The following AP3D1 variants were observed in gnomAD, a reference collection of about 807,000 sequenced individuals.
AP3D1 encodes the protein adaptor related protein complex 3 subunit delta 1.
A neutral mutation model predicts 147.6 loss-of-function variants in AP3D1; 51 were observed. The observed-to-expected ratio is 0.35, with a 90% confidence interval of 0.28 to 0.44. The LOEUF (loss-of-function observed/expected upper bound fraction) is 0.44. Among genes scored for constraint, AP3D1 ranks in the 20% least tolerant of loss-of-function variants. AP3D1 has a pLI of 1.00. For missense variants in AP3D1, 1,421 were observed against 1,624.2 expected, an observed-to-expected ratio of 0.87 and a Z score of 2.15; for synonymous variants, 760 against 663.0, an observed-to-expected ratio of 1.15 and a Z score of -2.25.
At chr19:2,115,188 T>A in intron 20 of AP3D1, 31 bp downstream of exon 20, 1 of 1,597,242 alleles carries the variant, frequency 6.3e-7, no homozygotes, top group Non-Finnish European at 8.5e-7. Flanking sequence ...AAGATAGACA[T>A]CCTAGGACCG....
intron 1 of AP3D1, among the ~76,000 whole-genome samples, chr19:2,161,444 G>A (rs8102624): frequency 0.18 from 26,687 of 151,802 alleles, 3,574 homozygotes; most frequent in African/African-American, 0.37. Flanking sequence ...TTACAGGCGT[G>A]AGTCACCGCT....
intron 1 of AP3D1, chr19:2,164,340 C>A (rs1306182254): frequency 2.8e-6 from 3 of 1,084,244 alleles, no homozygotes; most frequent in South Asian, 4.6e-5. Context: ...CCCAAACCCC[C>A]CCAAGCCGCG....
At chr19:2,145,000 C>G in intron 1 of AP3D1, among the ~76,000 whole-genome samples, 1 of 152,142 alleles carries the variant, frequency 6.6e-6, no homozygotes, top group Non-Finnish European at 1.5e-5. Context: ...TTTCTCTGTT[C>G]TGAACGTATT....
At chr19:2,119,375 G>A (rs1382690148) in intron 14 of AP3D1, among the ~76,000 whole-genome samples, 2 of 152,106 alleles carry the variant, frequency 1.3e-5, no homozygotes, top group African/African-American at 4.8e-5. Context: ...TGGCCAACAC[G>A]GTGAAACCCC....
In AP3D1 at chr19:2,112,914, G is replaced by T; in HGVS notation, c.2733C>A (p.Ala911=). 1 of 1,613,316 alleles carries T rather than the reference G, an allele frequency of 6.2e-7. No individual in the cohort carries two copies. Among genetic ancestry groups the T allele is most frequent in the East Asian group, 2.2e-5 (1 of 44,840 alleles). ...VTTPKDECED[A]KTEAQGEEDD... is the part of the protein sequence containing the mutation. ...CCTCCTCGCCCTGCGCCTCCGTCTT[G>T]GCGTCCTCACACTCGTCCTTCGGGG... The change falls in exon 24 of 32, where the codon GCC becomes GCA. Residue 911 remains alanine, a synonymous_variant. Coordinates refer to ENST00000643116, the MANE Select transcript of AP3D1 (RefSeq NM_001261826.3).
intron 4 of AP3D1, among the ~76,000 whole-genome samples, chr19:2,132,837 A>G (rs1488271063): frequency 1.3e-5 from 2 of 152,148 alleles, no homozygotes; most frequent in African/African-American, 4.8e-5. Context: ...GGGAACAGTG[A>G]GGTCTGAGGC....
upstream of AP3D1, among the ~76,000 whole-genome samples, chr19:2,154,275 G>GTT (rs112780618): frequency 2.1e-5 from 3 of 145,190 alleles, no homozygotes; most frequent in South Asian, 4.3e-4. Context: ...TTTATTTATG[G>GTT]TTTTTTTTTT....
Position 2,110,900 on chromosome 19 carries a change from C to T in AP3D1, c.2986-4G>A, listed in dbSNP as rs367890742. 1.5e-5 allele frequency: 24 copies of T among 1,612,098 alleles called. No homozygotes were observed. The African/African-American group carries it at 3.1e-4, about 21-fold the overall frequency. On this transcript the variant is annotated splice_region_variant and splice_polypyrimidine_tract_variant and intron_variant, in intron 26 of 31. Transcript: ENST00000643116. ...GACTGCCCCGGATGTCACAGGTCTGCAGGGCATGGCCAGTGTTAGCAGGGC... is the reference window on the plus strand; with the variant it reads ...GACTGCCCCGGATGTCACAGGTCTGTAGGGCATGGCCAGTGTTAGCAGGGC...
chr19:2,113,070 G>A (rs1196798279), intron 23 of AP3D1, 103 bp from the exon 24 acceptor site: 7 of 827,646 alleles, frequency 8.5e-6, no homozygotes, highest in East Asian at 2.8e-5. Context: ...TTGCCCTCAC[G>A]CCTGCCTGAG....
Position 2,109,213 on chromosome 19 carries a change from G to T in AP3D1, c.3351-6C>A, listed in dbSNP as rs1231529207. On this transcript the variant is annotated splice_region_variant and splice_polypyrimidine_tract_variant and intron_variant, in intron 29 of 31. Coordinates refer to ENST00000643116, the MANE Select transcript of AP3D1 (RefSeq NM_001261826.3). ...GCAACTTAGCAAAGGCGTCACTGTG[G>T]GAGGGACAGGGAGGCTGACTGCGGT... 1.3e-6 allele frequency: 2 copies of T among 1,572,748 alleles called. No homozygotes were observed. The highest frequency in any genetic ancestry group is 2.7e-5 in the African/African-American group (2 of 72,872).
At chr19:2,136,712 C>T (rs1416523222) in intron 4 of AP3D1, among the ~76,000 whole-genome samples, 3 of 152,186 alleles carry the variant, frequency 2.0e-5, no homozygotes, top group African/African-American at 4.8e-5. Context: ...ACCGCAGAGG[C>T]CAGCTGCGAG....
At chr19:2,164,249 G>A in intron 1 of AP3D1, 1 of 1,282,764 alleles carries the variant, frequency 7.8e-7, no homozygotes. Flanking sequence ...GTCTACCCGT[G>A]GCCGCTGCCG....
In AP3D1 at chr19:2,117,379, A is replaced by G. The variant is rs375246775; in HGVS notation, c.1714-12T>C. On this transcript the variant is annotated splice_polypyrimidine_tract_variant and intron_variant, in intron 15 of 31. Transcript: ENST00000643116. ...AGGATGCAGGACGCCTGTGGGGGAC[A>G]CAGGGGTCACTGCTGGCACCTGCCC... is the stretch of plus-strand genomic sequence containing the variant. 100 of 1,581,638 alleles carry G rather than the reference A, an allele frequency of 6.3e-5. No homozygotes were observed. The highest frequency in any genetic ancestry group is 8.3e-5 in the Non-Finnish European group (97 of 1,165,242).
At chr19:2,105,519 G>A (rs765207558) in intron 31 of AP3D1, among the ~76,000 whole-genome samples, 11 of 152,182 alleles carry the variant, frequency 7.2e-5, no homozygotes, top group Non-Finnish European at 1.3e-4. Flanking sequence ...TTCGTTTCCC[G>A]TAGGGGATAC....
intron 1 of AP3D1, among the ~76,000 whole-genome samples, chr19:2,157,299 G>A (rs988777831): frequency 8.6e-5 from 13 of 151,162 alleles, no homozygotes; most frequent in East Asian, 3.9e-4. Flanking sequence ...AAAATTAGCC[G>A]GGCGTAGTGG....
At chr19:2,128,100 T>C (rs2018810784) in intron 8 of AP3D1, among the ~76,000 whole-genome samples, 1 of 152,190 alleles carries the variant, frequency 6.6e-6, no homozygotes, top group Admixed American at 6.5e-5. Context: ...CGCCTCTGCC[T>C]GCGGCCCACT....
At position 2,121,314 on chromosome 19, in the gene AP3D1, G is replaced by A. The variant is rs775592845; in HGVS notation, c.1102-3C>T. Reference sequence around the variant, plus strand: ...TCCATCAGGTTCTTCTTGGACACCTGGGCAAAAGTGTACAGACAGTGGTGA... The same window carrying A: ...TCCATCAGGTTCTTCTTGGACACCTAGGCAAAAGTGTACAGACAGTGGTGA... On this transcript the variant is annotated splice_region_variant and splice_polypyrimidine_tract_variant and intron_variant, in intron 12 of 31. Transcript: ENST00000643116. 6.2e-7 allele frequency: 1 copy of A among 1,614,024 alleles called. No homozygotes were observed. The highest frequency in any genetic ancestry group is 1.3e-5 in the African/African-American group (1 of 75,042).
intron 9 of AP3D1, among the ~76,000 whole-genome samples, 186 bp downstream of exon 9, chr19:2,126,966 G>C (rs1218344182): frequency 6.6e-6 from 1 of 152,178 alleles, no homozygotes; most frequent in East Asian, 1.9e-4. Context: ...CAGACGCATG[G>C]CCACCTTGAC....
rs1388660282 is a variant in AP3D1, at chr19:2,113,420, C to A, written c.2602-7G>T. The A allele has an allele frequency of 6.8e-7, 1 of 1,460,340 alleles. No individual in the cohort carries two copies. The highest frequency in any genetic ancestry group is 9.0e-7 in the Non-Finnish European group (1 of 1,105,938). 90.5% of individuals were successfully genotyped at this position (1,460,340 alleles called of 1,614,324 possible). On this transcript the variant is annotated splice_region_variant and splice_polypyrimidine_tract_variant and intron_variant, in intron 22 of 31. Transcript: ENST00000643116. ...AGAAGTCCAGGTCCTCAGCCTGAAACCACAAGACAGGCTGTCAGCAAACGC... is the reference window on the plus strand; with the variant it reads ...AGAAGTCCAGGTCCTCAGCCTGAAAACACAAGACAGGCTGTCAGCAAACGC...
Sources: gnomAD v4.1 joint callset for allele counts (sites outside exome capture counted in the v4.1 genomes callset) on GRCh38, gnomAD v4.1.1 for gene constraint, MANE v1.5 for transcripts, NCBI Gene and HGNC (gene_info 2026-07-23, HGNC 2026-07-21) for gene names.